ANKIB1: variants seen among roughly 807,000 people sequenced by gnomAD.
ANKIB1 encodes ankyrin repeat and IBR domain containing 1, also known as ankyrin repeat and IBR domain-containing protein 1.
A neutral mutation model predicts 122.1 loss-of-function variants in ANKIB1; 43 were observed. That is an observed-to-expected ratio of 0.35 (90% confidence interval 0.28 to 0.45). ANKIB1 has a LOEUF of 0.45. Ranked by LOEUF, ANKIB1 falls within the 20% of genes least tolerant of loss-of-function variation. ANKIB1 has a pLI of 1.00. For missense variants in ANKIB1, 992 were observed against 1,329.5 expected, an observed-to-expected ratio of 0.75 and a Z score of 3.95; for synonymous variants, 390 against 442.0, an observed-to-expected ratio of 0.88 and a Z score of 1.48.
At chr7:92,371,953 GTGTGTGTGTGT>G (rs1804268813) in intron 11 of ANKIB1, among the ~76,000 whole-genome samples, 26 of 6,370 alleles carry the variant, frequency 4.1e-3, no homozygotes, top group African/African-American at 7.3e-3. Context: ...AGAGAGGGGT[GTGTGTGTGTGT>G]GTGTGTGTGT....
intron 2 of ANKIB1, among the ~76,000 whole-genome samples, chr7:92,302,451 G>C (rs1032932628): frequency 1.3e-5 from 2 of 151,992 alleles, no homozygotes; most frequent in African/African-American, 2.4e-5. Flanking sequence ...CTCTCTCTCT[G>C]AACCCACATG....
chr7:92,293,214 C>A (rs181047011), intron 1 of ANKIB1, among the ~76,000 whole-genome samples: 1 of 152,274 alleles, frequency 6.6e-6, no homozygotes, highest in Non-Finnish European at 1.5e-5. Context: ...CCTAGAGACT[C>A]TGATTTTTGT....
chr7:92,367,001 G>A (rs924940967), intron 10 of ANKIB1, among the ~76,000 whole-genome samples: 42 of 152,214 alleles, frequency 2.8e-4, no homozygotes, highest in African/African-American at 9.4e-4. Context: ...GATTATGGGC[G>A]GGACTGTGAA....
chr7:92,288,772 C>T (rs1410233489), intron 1 of ANKIB1, among the ~76,000 whole-genome samples: 2 of 151,966 alleles, frequency 1.3e-5, no homozygotes, highest in African/African-American at 2.4e-5. Context: ...TGTTCGACAT[C>T]ATTCATCATT....
chr7:92,396,250 T>C, intron 17 of ANKIB1, 115 bp from the exon 18 acceptor site: 1 of 664,420 alleles, frequency 1.5e-6, no homozygotes, highest in Non-Finnish European at 2.7e-6. Flanking sequence ...AGTGATTTTA[T>C]AAGATGTGTA....
At chr7:92,282,310 T>C (rs1184798270) in intron 1 of ANKIB1, among the ~76,000 whole-genome samples, 1 of 152,110 alleles carries the variant, frequency 6.6e-6, no homozygotes, top group Non-Finnish European at 1.5e-5. Context: ...CGTGCCACCA[T>C]GCTTGGCTAT....
At chr7:92,268,014 A>G (rs1228250721) in intron 1 of ANKIB1, among the ~76,000 whole-genome samples, 1 of 152,208 alleles carries the variant, frequency 6.6e-6, no homozygotes, top group African/African-American at 2.4e-5. Flanking sequence ...GAAGAGAAAA[A>G]CGAGTTCAAG....
intron 1 of ANKIB1, among the ~76,000 whole-genome samples, chr7:92,270,443 G>A (rs1450925845): frequency 2.0e-5 from 3 of 152,138 alleles, no homozygotes; most frequent in Admixed American, 6.5e-5. Context: ...ACATAGAGAA[G>A]CTGAAACAAA....
rs942054182 is a variant in ANKIB1, at chr7:92,328,043, C to G, written c.787+143C>G. On this transcript the variant is annotated intron_variant, in intron 5 of 19. Transcript: ENST00000265742. ...TAAGTTGTGTTTTGTGCAGTTGTTA[C>G]TTCTATACTCAGTTCCTCATAACAT... 42 of 567,602 alleles carry G rather than the reference C, an allele frequency of 7.4e-5. No homozygotes were observed. The African/African-American group carries it at 7.8e-4, about 10-fold the overall frequency. The allele number at this position is 567,602 out of a possible 1,614,324, so 35.2% of individuals were successfully genotyped here.
At chr7:92,303,844 C>T (rs1183137865) in intron 2 of ANKIB1, among the ~76,000 whole-genome samples, 1 of 151,980 alleles carries the variant, frequency 6.6e-6, no homozygotes, top group African/African-American at 2.4e-5. Context: ...AGAATAGGGT[C>T]ATATGGAAGT....
chr7:92,304,582 A>G (rs1349726908), intron 2 of ANKIB1, among the ~76,000 whole-genome samples: 1 of 152,202 alleles, frequency 6.6e-6, no homozygotes, highest in Non-Finnish European at 1.5e-5. Context: ...GGTATAAGAA[A>G]GGCTAGATAA....
chr7:92,307,584 T>A lies in ANKIB1; in HGVS notation c.414T>A (p.Ile138=). The A allele has an allele frequency of 6.2e-7, 1 of 1,613,614 alleles. No individual in the cohort carries two copies. Among genetic ancestry groups the A allele is most frequent in the Non-Finnish European group, 8.5e-7 (1 of 1,179,854 alleles). Residue 138 remains isoleucine (I), a synonymous_variant, in exon 3 of 20, where the codon ATT becomes ATA. Coordinates refer to ENST00000265742, the MANE Select transcript of ANKIB1 (RefSeq NM_019004.2). ...AGGGTGAATATGAGAGAGCAGCTAT[T>A]GATGCTGTTGATAACAAAAAAAACA... ...LDQGEYERAA[I]DAVDNKKNTP...
intron 1 of ANKIB1, among the ~76,000 whole-genome samples, chr7:92,261,679 T>G (rs1801568603): frequency 6.6e-6 from 1 of 152,138 alleles, no homozygotes; most frequent in African/African-American, 2.4e-5. Context: ...ATTTTGAGGG[T>G]TTTGTTCATT....
chr7:92,253,938 T>C (rs1383314939), intron 1 of ANKIB1, among the ~76,000 whole-genome samples: 1 of 152,218 alleles, frequency 6.6e-6, no homozygotes, highest in Admixed American at 6.5e-5. Flanking sequence ...TGTGACTTAC[T>C]TTGACGAACA....
Position 92,388,014 on chromosome 7 carries a change from G to A in ANKIB1, c.1879G>A (p.Glu627Lys). The part of the protein sequence containing the change: ...RLLKTAKEKM[E>K]QLSRALKETE... ...TCTTAAAACAGCCAAAGAAAAGATGGAGCAATTGAGCAGAGCTCTCAAAGA... is the reference window on the plus strand; with the variant it reads ...TCTTAAAACAGCCAAAGAAAAGATGAAGCAATTGAGCAGAGCTCTCAAAGA... Residue 627 changes from glutamate to lysine, a missense_variant, in exon 14 of 20, where the codon GAG (glutamate) becomes AAG (lysine). Transcript: ENST00000265742. 1 of 1,576,508 alleles carries A rather than the reference G, an allele frequency of 6.3e-7. No individual in the cohort carries two copies. The highest frequency in any genetic ancestry group is 1.2e-5 in the South Asian group (1 of 86,160).
chr7:92,335,311 T>C (rs955429715), intron 5 of ANKIB1, among the ~76,000 whole-genome samples: 15 of 152,026 alleles, frequency 9.9e-5, no homozygotes, highest in African/African-American at 3.4e-4. Flanking sequence ...GCATGTAGTC[T>C]GTCTTGATGA....
chr7:92,393,114 A>G (rs1804820935), intron 17 of ANKIB1, among the ~76,000 whole-genome samples: 1 of 152,110 alleles, frequency 6.6e-6, no homozygotes, highest in Non-Finnish European at 1.5e-5. Context: ...TTTGTTTGTA[A>G]TGTATAACCC....
chr7:92,345,798 CTT>C (rs74719510), intron 7 of ANKIB1, among the ~76,000 whole-genome samples: 2 of 144,526 alleles, frequency 1.4e-5, no homozygotes, highest in African/African-American at 5.1e-5. Flanking sequence ...AGTTTTTAAC[CTT>C]TTTTTTTTTT....
At chr7:92,313,303 G>A (rs1802729029) in intron 3 of ANKIB1, among the ~76,000 whole-genome samples, 1 of 152,092 alleles carries the variant, frequency 6.6e-6, no homozygotes, top group Non-Finnish European at 1.5e-5. Flanking sequence ...TGGCAGCTAT[G>A]GGAGCGTTTC....
Sources: allele counts gnomAD v4.1 joint callset (sites outside exome capture counted in the v4.1 genomes callset), GRCh38; gene constraint gnomAD v4.1.1; transcripts MANE v1.5; gene names NCBI Gene and HGNC (gene_info 2026-07-23, HGNC 2026-07-21).